The following FHIT variants were observed in gnomAD, a reference collection of about 807,000 sequenced individuals.
FHIT encodes the protein bis(5'-adenosyl)-triphosphatase.
Under a neutral mutation model 17.9 loss-of-function variants are expected in FHIT, and 19 were observed. The ratio of observed to expected loss-of-function variants is 1.06; its 90% confidence interval spans 0.74 to 1.56. FHIT has a LOEUF of 1.56. Ranked by LOEUF, FHIT falls within the 40% of genes most tolerant of loss-of-function variation. The pLI is 0.00. For missense variants in FHIT, 248 were observed against 189.2 expected, an observed-to-expected ratio of 1.31 and a Z score of -1.82; for synonymous variants, 81 against 69.7, an observed-to-expected ratio of 1.16 and a Z score of -0.81.
chr3:60,988,455 C>T (rs2029877729), intron 3 of FHIT, among the ~76,000 whole-genome samples: 1 of 152,052 alleles, frequency 6.6e-6, no homozygotes, highest in Non-Finnish European at 1.5e-5. Context: ...ACTACATAAT[C>T]ACAGGACAGA....
chr3:60,015,525 A>T (rs1238257410), intron 5 of FHIT, among the ~76,000 whole-genome samples: 1 of 152,088 alleles, frequency 6.6e-6, no homozygotes, highest in Non-Finnish European at 1.5e-5. Context: ...ATTTCCTTTC[A>T]TTTCCTTTGA....
chr3:61,135,704 G>A (rs942279236), intron 2 of FHIT, among the ~76,000 whole-genome samples: 6 of 151,812 alleles, frequency 4.0e-5, no homozygotes, highest in African/African-American at 1.5e-4. Flanking sequence ...TTCATTACAT[G>A]GATAATGAAG....
intron 3 of FHIT, among the ~76,000 whole-genome samples, chr3:60,824,600 T>C (rs1702048106): frequency 6.6e-6 from 1 of 152,200 alleles, no homozygotes; most frequent in Admixed American, 6.5e-5. Flanking sequence ...CTGATATGGT[T>C]TGGCTGTGTC....
At chr3:59,942,510 T>C (rs1559484596) in intron 7 of FHIT, among the ~76,000 whole-genome samples, 1 of 152,204 alleles carries the variant, frequency 6.6e-6, no homozygotes, top group Non-Finnish European at 1.5e-5. Flanking sequence ...ACAAAGGCTT[T>C]GCATTAAACA....
chr3:60,165,313 T>G (rs1701121909), intron 5 of FHIT, among the ~76,000 whole-genome samples: 1 of 152,228 alleles, frequency 6.6e-6, no homozygotes, highest in Non-Finnish European at 1.5e-5. Flanking sequence ...GTCTGTTATT[T>G]CCACCAGAAG....
chr3:60,381,190 A>G (rs1700785204), intron 5 of FHIT, among the ~76,000 whole-genome samples: 1 of 152,172 alleles, frequency 6.6e-6, no homozygotes, highest in Admixed American at 6.5e-5. Flanking sequence ...ACATACAAAC[A>G]AAACAGGCTG....
intron 5 of FHIT, among the ~76,000 whole-genome samples, chr3:60,435,402 A>C (rs2030128185): frequency 6.6e-6 from 1 of 151,756 alleles, no homozygotes; most frequent in Admixed American, 6.6e-5. Flanking sequence ...GAGTTGATGT[A>C]CTATTGGGGA....
At chr3:60,375,825 C>T (rs1182388505) in intron 5 of FHIT, among the ~76,000 whole-genome samples, 1 of 152,006 alleles carries the variant, frequency 6.6e-6, no homozygotes, top group Non-Finnish European at 1.5e-5. Context: ...CCTATAGATG[C>T]AATGCTGTCA....
chr3:60,165,002 A>T (rs1038192895), intron 5 of FHIT, among the ~76,000 whole-genome samples: 1 of 152,164 alleles, frequency 6.6e-6, no homozygotes, highest in Admixed American at 6.5e-5. Context: ...TTTTATTCAG[A>T]TTGAATTTAA....
intron 8 of FHIT, among the ~76,000 whole-genome samples, chr3:59,777,823 C>G (rs1559597104): frequency 6.6e-6 from 1 of 152,168 alleles, no homozygotes; most frequent in Non-Finnish European, 1.5e-5. Flanking sequence ...CCTGAACATG[C>G]CATGCTCATC....
intron 5 of FHIT, among the ~76,000 whole-genome samples, chr3:60,415,723 C>T (rs1187346281): frequency 1.2e-4 from 10 of 82,702 alleles, no homozygotes; most frequent in East Asian, 7.2e-4. Context: ...TGAAGACAAA[C>T]GCCTGAGTTA....
intron 1 of FHIT, among the ~76,000 whole-genome samples, chr3:61,225,683 A>C (rs951496301): frequency 4.6e-5 from 7 of 152,256 alleles, no homozygotes; most frequent in Admixed American, 3.9e-4. Context: ...AGATAAAGCA[A>C]CGTGGAAGTT....
At chr3:60,117,122 T>TAGAACTAGAGATAATTAA (rs1705000927) in intron 5 of FHIT, among the ~76,000 whole-genome samples, 1 of 152,196 alleles carries the variant, frequency 6.6e-6, no homozygotes, top group East Asian at 1.9e-4. Context: ...TAGAGATAAT[T>TAGAACTAGAGATAATTAA]AATTGCTAAA....
chr3:60,959,414 A>T (rs563354233), intron 3 of FHIT, among the ~76,000 whole-genome samples: 3 of 152,212 alleles, frequency 2.0e-5, no homozygotes, highest in African/African-American at 7.2e-5. Flanking sequence ...AAATTTACAT[A>T]CATTCTTTTG....
chr3:60,624,185 T>A (rs73835752), intron 4 of FHIT, among the ~76,000 whole-genome samples: 3,136 of 152,236 alleles, frequency 0.021, 114 homozygotes, highest in African/African-American at 0.071. Context: ...CAGTAGGACG[T>A]ATGCAGAGAA....
chr3:60,386,350 G>C (rs553725854), intron 5 of FHIT, among the ~76,000 whole-genome samples: 6 of 152,268 alleles, frequency 3.9e-5, no homozygotes, highest in African/African-American at 1.4e-4. Flanking sequence ...GCACATTTGA[G>C]GGATTCAAGG....
chr3:59,851,815 T>C (rs1474538661), intron 8 of FHIT, among the ~76,000 whole-genome samples: 2 of 152,174 alleles, frequency 1.3e-5, no homozygotes, highest in African/African-American at 4.8e-5. Flanking sequence ...AACTGCAAGA[T>C]TAAAGCTCCT....
intron 5 of FHIT, among the ~76,000 whole-genome samples, chr3:60,441,743 TTTATATATATAAAAA>T (rs1559916005): frequency 3.2e-5 from 3 of 92,972 alleles, no homozygotes; most frequent in African/African-American, 8.8e-5. Flanking sequence ...TATATATATA[TTTATATATATAAAAA>T]TATATATATA....
chr3:59,748,704 C>T lies in FHIT; in HGVS notation c.*881G>A, dbSNP rs1359273660. ...AGGTGAGCTCTTTTAGCAAGGAGGG[C>T]AGTACACAGACTAAGAGAATGGCCT... On this transcript the variant is annotated 3_prime_UTR_variant, in exon 10 of 10. Transcript: ENST00000492590. 1.3e-5 allele frequency among the ~76,000 whole-genome samples: 2 copies of T among 152,062 alleles called. No homozygotes were observed. Among genetic ancestry groups the T allele is most frequent in the South Asian group, 2.1e-4 (1 of 4,820 alleles).
Sources: allele counts gnomAD v4.1 joint callset (sites outside exome capture counted in the v4.1 genomes callset), GRCh38; gene constraint gnomAD v4.1.1; transcripts MANE v1.5; gene names NCBI Gene and HGNC (gene_info 2026-07-23, HGNC 2026-07-21).